The following ROR2 variants were observed in gnomAD, a reference collection of about 807,000 sequenced individuals.
ROR2 encodes tyrosine-protein kinase transmembrane receptor ROR2.
Under a neutral mutation model 74.9 loss-of-function variants are expected in ROR2, and 33 were observed. The observed-to-expected ratio is 0.44, with a 90% confidence interval of 0.33 to 0.59. The LOEUF (loss-of-function observed/expected upper bound fraction) is 0.59, where lower values mean the gene tolerates loss of function less well. Among genes scored for constraint, ROR2 ranks in the 20% least tolerant of loss-of-function variants. The probability of loss-of-function intolerance (pLI) is 0.02; values close to 1 mark genes in which losing one functional copy is unlikely to be tolerated. For missense variants in ROR2, 1,216 were observed against 1,313.8 expected (o/e 0.93, Z 1.15); for synonymous variants, 586 against 558.7 (o/e 1.05, Z -0.69).
At chr9:91,945,142 A>G (rs927006026) in intron 1 of ROR2, among the ~76,000 whole-genome samples, 6 of 152,166 alleles carry the variant, frequency 3.9e-5, no homozygotes, top group Non-Finnish European at 7.3e-5. Flanking sequence ...AACCTCTACT[A>G]AAATCCCAGT....
chr9:91,733,978 G>A lies in ROR2; in HGVS notation c.623-542C>T, dbSNP rs1824929185. Among the ~76,000 whole-genome samples the A allele has an allele frequency of 6.6e-6, 1 of 152,184 alleles. No individual in the cohort carries two copies. Among genetic ancestry groups the A allele is most frequent in the South Asian group, 2.1e-4 (1 of 4,828 alleles). ...AATGCGGAAAGCCAAGAGGGTGAGA[G>A]CAGCAAAGTGGGAGGAGAGCCGCGT... is the stretch of plus-strand genomic sequence containing the variant. On this transcript the variant is annotated intron_variant, in intron 5 of 8. Transcript: ENST00000375708. This position sits in a 1 kb window ranked among gnomAD's most constrained non-coding sequence, Gnocchi z 5.7.
intron 1 of ROR2, among the ~76,000 whole-genome samples, chr9:91,822,167 A>C (rs1421247930): frequency 6.6e-6 from 1 of 152,244 alleles, no homozygotes; most frequent in Non-Finnish European, 1.5e-5. Context: ...GGAACCAGCT[A>C]TACAAAGTCA....
At chr9:91,835,870 TC>T (rs2119200171) in intron 1 of ROR2, among the ~76,000 whole-genome samples, 1 of 152,310 alleles carries the variant, frequency 6.6e-6, no homozygotes, top group South Asian at 2.1e-4. Context: ...AGATGTCTCC[TC>T]CACATGTCCG....
At chr9:91,947,160 T>G (rs559266735) in intron 1 of ROR2, among the ~76,000 whole-genome samples, 29 of 152,340 alleles carry the variant, frequency 1.9e-4, no homozygotes, top group Non-Finnish European at 3.8e-4. Flanking sequence ...AAACTACCCC[T>G]GGAAAACGCA....
At chr9:91,777,406 C>CAT (rs1434642581) in intron 1 of ROR2, among the ~76,000 whole-genome samples, 2 of 150,198 alleles carry the variant, frequency 1.3e-5, no homozygotes, top group African/African-American at 2.4e-5. Flanking sequence ...CACACACACA[C>CAT]ACCCCATCAT....
intron 1 of ROR2, among the ~76,000 whole-genome samples, chr9:91,814,015 T>C (rs1234917496): frequency 1.3e-5 from 2 of 152,154 alleles, no homozygotes; most frequent in African/African-American, 4.8e-5. Context: ...CAAAATAAGA[T>C]GCTCTGTCAA....
chr9:91,916,211 A>T (rs1325626648), intron 1 of ROR2, among the ~76,000 whole-genome samples: 1 of 152,228 alleles, frequency 6.6e-6, no homozygotes, highest in Non-Finnish European at 1.5e-5. Flanking sequence ...CCCGCAACTA[A>T]TCTTTTTGGC....
chr9:91,850,612 C>T (rs1011006765), intron 1 of ROR2, among the ~76,000 whole-genome samples: 4 of 152,192 alleles, frequency 2.6e-5, no homozygotes, highest in Admixed American at 6.5e-5. Context: ...GCTGTGAGGC[C>T]ACACCCACCC....
At chr9:91,946,377 G>GA (rs1832014798) in intron 1 of ROR2, among the ~76,000 whole-genome samples, 1 of 152,204 alleles carries the variant, frequency 6.6e-6, no homozygotes, top group Non-Finnish European at 1.5e-5. Context: ...AGCCCCCAAG[G>GA]AGGCACCTCA....
At chr9:91,882,606 T>C (rs998878243) in intron 1 of ROR2, among the ~76,000 whole-genome samples, 3 of 152,282 alleles carry the variant, frequency 2.0e-5, no homozygotes, top group African/African-American at 4.8e-5. Context: ...ATGAACTGAA[T>C]TGTGTCTCTC....
chr9:91,806,124 T>C (rs1398785447), intron 1 of ROR2, among the ~76,000 whole-genome samples: 1 of 152,192 alleles, frequency 6.6e-6, no homozygotes, highest in Non-Finnish European at 1.5e-5. Flanking sequence ...CAGCATGGCT[T>C]ATTAGCAGAA....
At chr9:91,808,064 A>G (rs1207432528) in intron 1 of ROR2, among the ~76,000 whole-genome samples, 3 of 152,130 alleles carry the variant, frequency 2.0e-5, no homozygotes, top group Non-Finnish European at 4.4e-5. Context: ...CTGACAGCTA[A>G]CAAGAAGAAA....
chr9:91,725,326 A>G (rs1314959068), intron 8 of ROR2, among the ~76,000 whole-genome samples: 1 of 152,106 alleles, frequency 6.6e-6, no homozygotes, highest in Non-Finnish European at 1.5e-5. Flanking sequence ...CCCATCTGCA[A>G]TCTTCCACAG....
chr9:91,843,186 C>T (rs1192917299), intron 1 of ROR2, among the ~76,000 whole-genome samples: 3 of 152,200 alleles, frequency 2.0e-5, no homozygotes, highest in Admixed American at 6.5e-5. Context: ...CAGTGGCCTG[C>T]GGCCCTGCAA....
chr9:91,877,587 T>C (rs917182475), intron 1 of ROR2, among the ~76,000 whole-genome samples: 3 of 152,210 alleles, frequency 2.0e-5, no homozygotes, highest in African/African-American at 7.2e-5. Context: ...ATATTAGGTG[T>C]TGCCAGACAA....
chr9:91,908,879 T>G (rs1379635858), intron 1 of ROR2, among the ~76,000 whole-genome samples: 1 of 150,776 alleles, frequency 6.6e-6, no homozygotes, highest in Non-Finnish European at 1.5e-5. Flanking sequence ...CCCATAAAAC[T>G]GACACTTTGA....
chr9:91,842,891 G>A (rs1828825260), intron 1 of ROR2, among the ~76,000 whole-genome samples: 1 of 152,222 alleles, frequency 6.6e-6, no homozygotes, highest in Admixed American at 6.5e-5. Context: ...CCCTCAAGAG[G>A]TGTCTTCCCC....
chr9:91,726,606 G>C lies in ROR2; in HGVS notation c.1321C>G (p.Arg441Gly), dbSNP rs762451478. The change falls in exon 8 of 9, where the codon CGG becomes GGG. Residue 441 changes from arginine to glycine, a missense_variant. By Grantham distance (125) the Arg-to-Gly change is moderately radical. Coordinates refer to ENST00000375708, the MANE Select transcript of ROR2 (RefSeq NM_004560.4). ...CTGGGCGAGGCCATCAGCTGTCGCC[G>C]CTGCGGTGTGGACGCAGATGCCTTC... is the stretch of plus-strand genomic sequence containing the variant. ...KQKASASTPQ[R>G]RQLMASPSQD... The C allele has an allele frequency of 6.2e-7, 1 of 1,613,702 alleles. No individual in the cohort carries two copies. The highest frequency in any genetic ancestry group is 1.1e-5 in the South Asian group (1 of 91,068).
At chr9:91,786,093 G>C (rs1250866150) in intron 1 of ROR2, among the ~76,000 whole-genome samples, 2 of 148,838 alleles carry the variant, frequency 1.3e-5, no homozygotes, top group Non-Finnish European at 3.0e-5. Context: ...CAGCACTTAG[G>C]GAGGACCACT....
Sources: allele counts gnomAD v4.1 joint callset (sites outside exome capture counted in the v4.1 genomes callset), GRCh38; gene constraint gnomAD v4.1.1; non-coding constraint Gnocchi (gnomAD v3.1); transcripts MANE v1.5; gene names NCBI Gene and HGNC (gene_info 2026-07-23, HGNC 2026-07-21).